B3GALT1: variants seen among roughly 807,000 people sequenced by gnomAD.
B3GALT1 encodes the protein UDP-Gal:betaGlcNAc beta 1,3-galactosyltransferase, polypeptide 1.
In B3GALT1, 10 loss-of-function variants were observed where a neutral mutation model predicts 23.2. The observed-to-expected ratio is 0.43, with a 90% CI of 0.27 to 0.73. The LOEUF is 0.73. Ranked by LOEUF, B3GALT1 falls within the 30% of genes least tolerant of loss-of-function variation. The pLI, the probability that B3GALT1 is intolerant of heterozygous loss-of-function variation, is 0.21. For missense variants in B3GALT1, 299 were observed against 405.4 expected (o/e 0.74, Z 2.25); for synonymous variants, 156 against 141.5 (o/e 1.10, Z -0.73).
chr2:167,611,151 A>G (rs1169992493), intron 2 of B3GALT1, among the ~76,000 whole-genome samples: 27 of 151,790 alleles, frequency 1.8e-4, no homozygotes, highest in Non-Finnish European at 5.9e-5. Flanking sequence ...ATAAAAGTTA[A>G]AAAAAAGAAA....
chr2:167,678,630 CA>C (rs1162923515), intron 3 of B3GALT1, among the ~76,000 whole-genome samples: 11 of 152,078 alleles, frequency 7.2e-5, no homozygotes, highest in Non-Finnish European at 1.2e-4. Flanking sequence ...AACTTTAACT[CA>C]AAAATGTATT....
At chr2:167,544,814 T>G (rs187083468) in intron 2 of B3GALT1, among the ~76,000 whole-genome samples, 10 of 152,222 alleles carry the variant, frequency 6.6e-5, no homozygotes, top group Non-Finnish European at 1.3e-4. Flanking sequence ...GTCGAAGGTC[T>G]TTTCTCGATC....
chr2:167,870,575 G>C lies in B3GALT1; in HGVS notation c.*555G>C. The C allele has an allele frequency of 6.0e-6, 1 of 167,100 alleles. No individual in the cohort carries two copies. 10.4% of individuals were successfully genotyped at this position (167,100 alleles called of 1,614,324 possible). On this transcript the variant is annotated 3_prime_UTR_variant, in exon 5 of 5. Coordinates refer to ENST00000392690, the MANE Select transcript of B3GALT1 (RefSeq NM_020981.4). ...CAGAGTGGCTGCAGTTAAATAGATG[G>C]GAGTTTAAATTTGAGAATCAAACAT...
At chr2:167,327,981 T>C (rs181403677) in intron 1 of B3GALT1, among the ~76,000 whole-genome samples, 16 of 152,358 alleles carry the variant, frequency 1.1e-4, no homozygotes, top group South Asian at 2.1e-4. Flanking sequence ...GAGATGACCA[T>C]GTAATTTCCA....
intron 1 of B3GALT1, among the ~76,000 whole-genome samples, chr2:167,444,247 T>C (rs1574081323): frequency 6.6e-6 from 1 of 152,224 alleles, no homozygotes; most frequent in African/African-American, 2.4e-5. Context: ...AGCTTTTTGA[T>C]GTGCTGCTGG....
rs12623775 is a variant in B3GALT1, at chr2:167,669,154, T to C, written c.-352+22188T>C. Among the ~76,000 whole-genome samples, 97 of 152,336 alleles carry C rather than the reference T, an allele frequency of 6.4e-4. 1 individual carries two copies. The East Asian group carries it at 0.018, about 28-fold the overall frequency. On this transcript the variant is annotated intron_variant, in intron 3 of 4. Transcript: ENST00000392690. Reference sequence around the variant, plus strand: ...TCCTTCACTCCTCCTAAGAACAGAATTGAATGAAGACATACTTTTTACTGT... The same window carrying C: ...TCCTTCACTCCTCCTAAGAACAGAACTGAATGAAGACATACTTTTTACTGT...
At position 167,546,118 on chromosome 2, in the gene B3GALT1, G is replaced by T. The variant is rs567585531; in HGVS notation, c.-410+55841G>T. ...TTTGAATTTTGGAGTTTGGGATAAG[G>T]TTTGCTTAGTCTGTAAAAGGAGACA... On this transcript the variant is annotated intron_variant, in intron 2 of 4. Transcript: ENST00000392690. Among the ~76,000 whole-genome samples, 4 of 152,276 alleles carry T rather than the reference G, an allele frequency of 2.6e-5. No individual in the cohort carries two copies. In the South Asian group the frequency reaches 8.3e-4, roughly 32 times the overall value.
intron 1 of B3GALT1, among the ~76,000 whole-genome samples, chr2:167,354,375 TCTCA>T (rs1346431462): frequency 6.7e-6 from 1 of 148,164 alleles, no homozygotes; most frequent in African/African-American, 2.5e-5. Context: ...TGAGATGGAG[TCTCA>T]CTCTGTTGCC....
At chr2:167,419,557 A>G (rs1408393654) in intron 1 of B3GALT1, among the ~76,000 whole-genome samples, 2 of 152,232 alleles carry the variant, frequency 1.3e-5, no homozygotes, top group Non-Finnish European at 2.9e-5. Flanking sequence ...CTTAGAAAAT[A>G]TAAAAGACAA....
intron 1 of B3GALT1, among the ~76,000 whole-genome samples, chr2:167,424,850 T>A (rs1698601084): frequency 6.6e-6 from 1 of 152,208 alleles, no homozygotes; most frequent in Non-Finnish European, 1.5e-5. Flanking sequence ...ACAATGAAAT[T>A]TGAAAGTATC....
intron 2 of B3GALT1, among the ~76,000 whole-genome samples, chr2:167,583,596 A>G (rs1684527368): frequency 6.6e-6 from 1 of 152,200 alleles, no homozygotes; most frequent in South Asian, 2.1e-4. Context: ...ATTTCTCCAG[A>G]TAGTGTGAAC....
intron 2 of B3GALT1, among the ~76,000 whole-genome samples, chr2:167,511,571 G>A (rs1267850211): frequency 6.6e-6 from 1 of 152,090 alleles, no homozygotes. Flanking sequence ...ATAGCAGCAT[G>A]AAAACAGTCT....
intron 2 of B3GALT1, among the ~76,000 whole-genome samples, chr2:167,572,047 G>A (rs947040235): frequency 6.6e-6 from 1 of 151,714 alleles, no homozygotes; most frequent in Non-Finnish European, 1.5e-5. Flanking sequence ...TGTTAAATCA[G>A]TATGGCGTCT....
Position 167,559,437 on chromosome 2 carries a change from C to T in B3GALT1, c.-410+69160C>T, listed in dbSNP as rs569800639. On this transcript the variant is annotated intron_variant, in intron 2 of 4. Coordinates refer to ENST00000392690, the MANE Select transcript of B3GALT1 (RefSeq NM_020981.4). ...AAGGAACGCAATTCCTCACCAGCAA[C>T]GAAACGAAGCTGGACGGAGGATGAC... is the stretch of plus-strand genomic sequence containing the variant. 8.5e-5 allele frequency among the ~76,000 whole-genome samples: 13 copies of T among 152,282 alleles called. 1 individual carries two copies. The highest frequency in any genetic ancestry group is 2.6e-4 in the African/African-American group (11 of 41,562).
chr2:167,415,934 C>T (rs548541386), intron 1 of B3GALT1, among the ~76,000 whole-genome samples: 3 of 152,124 alleles, frequency 2.0e-5, no homozygotes, highest in Non-Finnish European at 4.4e-5. Context: ...CTACTTTTAA[C>T]CACTTACATT....
intron 2 of B3GALT1, among the ~76,000 whole-genome samples, chr2:167,588,038 T>C (rs1056687571): frequency 6.6e-6 from 1 of 152,198 alleles, no homozygotes; most frequent in African/African-American, 2.4e-5. Context: ...TGACTGGCAC[T>C]GATGAAAATT....
intron 3 of B3GALT1, among the ~76,000 whole-genome samples, chr2:167,671,129 A>G (rs1485931768): frequency 2.0e-5 from 3 of 152,214 alleles, no homozygotes; most frequent in East Asian, 3.8e-4. Flanking sequence ...ACAATTATAT[A>G]TGCACCCAAT....
intron 1 of B3GALT1, among the ~76,000 whole-genome samples, chr2:167,318,275 A>C (rs1696750103): frequency 6.6e-6 from 1 of 151,682 alleles, no homozygotes; most frequent in South Asian, 2.1e-4. Context: ...CGGTGAGCCG[A>C]GATCACACCA....
At chr2:167,518,183 A>G (rs1368156098) in intron 2 of B3GALT1, among the ~76,000 whole-genome samples, 1 of 152,148 alleles carries the variant, frequency 6.6e-6, no homozygotes, top group Non-Finnish European at 1.5e-5. Context: ...TCCACATAAG[A>G]CTAATTGCCC....
Sources: allele counts gnomAD v4.1 joint callset (sites outside exome capture counted in the v4.1 genomes callset), GRCh38; gene constraint gnomAD v4.1.1; transcripts MANE v1.5; gene names NCBI Gene and HGNC (gene_info 2026-07-23, HGNC 2026-07-21).